PLCH1: variants seen among roughly 807,000 people sequenced by gnomAD.
PLCH1 encodes the protein 1-phosphatidylinositol 4,5-bisphosphate phosphodiesterase eta-1.
Under a neutral mutation model 126.7 loss-of-function variants are expected in PLCH1, and 60 were observed. The ratio of observed to expected loss-of-function variants is 0.47; its 90% CI spans 0.38 to 0.59. The LOEUF is 0.59. PLCH1 is among the 20% of genes least tolerant of loss of function. PLCH1 has a pLI of 0.00. For missense variants in PLCH1, 1,723 were observed against 2,040.0 expected, an observed-to-expected ratio of 0.84 and a Z score of 2.99; for synonymous variants, 719 against 734.9, an observed-to-expected ratio of 0.98 and a Z score of 0.35.
At chr3:155,504,265 C>T (rs1032852244) in intron 13 of PLCH1, among the ~76,000 whole-genome samples, 1 of 152,048 alleles carries the variant, frequency 6.6e-6, no homozygotes, top group Non-Finnish European at 1.5e-5. Context: ...ATAACACATA[C>T]CCATTATGTA....
intron 2 of PLCH1, among the ~76,000 whole-genome samples, chr3:155,634,938 G>T (rs765373737): frequency 6.6e-6 from 1 of 152,130 alleles, no homozygotes; most frequent in East Asian, 1.9e-4. Flanking sequence ...GTAAAAGCGT[G>T]AACTATGAAG....
chr3:155,472,804 A>G (rs1257093730), intron 21 of PLCH1, among the ~76,000 whole-genome samples: 1 of 150,472 alleles, frequency 6.6e-6, no homozygotes. Context: ...AATCCAGCAT[A>G]TAAACAGAGC....
At chr3:155,698,969 C>T (rs1746044812) in intron 2 of PLCH1, among the ~76,000 whole-genome samples, 1 of 147,638 alleles carries the variant, frequency 6.8e-6, no homozygotes, top group African/African-American at 2.6e-5. Context: ...TATATTTTCT[C>T]CCTTAAGGCC....
At chr3:155,686,923 G>T (rs1050299375) in intron 2 of PLCH1, among the ~76,000 whole-genome samples, 1 of 152,148 alleles carries the variant, frequency 6.6e-6, no homozygotes, top group Non-Finnish European at 1.5e-5. Context: ...CGCAGTAAAT[G>T]TATACTCTCC....
At chr3:155,513,446 T>A (rs1719879358) in intron 12 of PLCH1, among the ~76,000 whole-genome samples, 1 of 152,134 alleles carries the variant, frequency 6.6e-6, no homozygotes, top group African/African-American at 2.4e-5. Flanking sequence ...GCATTTCCAA[T>A]GAGAATAATC....
intron 10 of PLCH1, among the ~76,000 whole-genome samples, chr3:155,545,251 T>C (rs1225964040): frequency 6.7e-6 from 1 of 150,090 alleles, no homozygotes; most frequent in East Asian, 2.0e-4. Context: ...CAGAGAATAC[T>C]ACAAACACCT....
intron 8 of PLCH1, among the ~76,000 whole-genome samples, chr3:155,562,054 T>A (rs529270000): frequency 2.6e-3 from 400 of 152,350 alleles, no homozygotes; most frequent in Non-Finnish European, 5.1e-3. Flanking sequence ...GTGCTGGGAT[T>A]ACAGGCATGA....
chr3:155,534,957 T>G (rs1434289637), intron 10 of PLCH1, among the ~76,000 whole-genome samples: 1 of 152,214 alleles, frequency 6.6e-6, no homozygotes, highest in Non-Finnish European at 1.5e-5. Context: ...GTGAGTCAAT[T>G]AAACCTCTTT....
intron 2 of PLCH1, among the ~76,000 whole-genome samples, chr3:155,654,944 G>A (rs758353508): frequency 5.9e-5 from 9 of 152,002 alleles, no homozygotes; most frequent in South Asian, 2.1e-4. Flanking sequence ...TTGTATCATC[G>A]ACTTTGCTTC....
rs866485974 is a variant in PLCH1, at chr3:155,547,330, C to T, written c.1362+2457G>A. Among the ~76,000 whole-genome samples the T allele has an allele frequency of 3.5e-3, 534 of 151,856 alleles. 2 individuals carry two copies. Among genetic ancestry groups the T allele is most frequent in the African/African-American group, 0.012 (498 of 41,368 alleles). ...GCCATCAGAGAAATGCAAATCAAAA[C>T]CACAGTGAGATACCATCTCACACCA... On this transcript the variant is annotated intron_variant, in intron 10 of 22. Coordinates refer to ENST00000460012, the MANE Select transcript of PLCH1 (RefSeq NM_014996.4).
chr3:155,458,676 A>G (rs1712593870), intron 21 of PLCH1, among the ~76,000 whole-genome samples: 3 of 152,226 alleles, frequency 2.0e-5, no homozygotes, highest in Admixed American at 1.3e-4. Context: ...AGTCCCATGG[A>G]GGCAGATTTC....
At chr3:155,661,768 A>C (rs1222966073) in intron 2 of PLCH1, among the ~76,000 whole-genome samples, 1 of 152,236 alleles carries the variant, frequency 6.6e-6, no homozygotes, top group Non-Finnish European at 1.5e-5. Flanking sequence ...ACTGTGAGCA[A>C]AAATGAATAC....
downstream of PLCH1, among the ~76,000 whole-genome samples, chr3:155,477,341 A>AT (rs1713587004): frequency 6.6e-6 from 1 of 152,098 alleles, no homozygotes; most frequent in African/African-American, 2.4e-5. Flanking sequence ...TCTAGGCAAA[A>AT]TTTTTTTGAG....
chr3:155,712,564 A>T (rs554574181), intron 1 of PLCH1, among the ~76,000 whole-genome samples: 243 of 152,120 alleles, frequency 1.6e-3, no homozygotes, highest in African/African-American at 5.8e-3. Flanking sequence ...AGAAAAAAAA[A>T]GGTAAATCTT....
At chr3:155,612,918 A>AAAAAAG (rs1735312129) in intron 2 of PLCH1, among the ~76,000 whole-genome samples, 1 of 151,402 alleles carries the variant, frequency 6.6e-6, no homozygotes, top group African/African-American at 2.4e-5. Flanking sequence ...TAAAAAAAAA[A>AAAAAAG]AAAAAAAGAA....
At chr3:155,649,501 G>T (rs1257097068) in intron 2 of PLCH1, among the ~76,000 whole-genome samples, 3 of 152,132 alleles carry the variant, frequency 2.0e-5, no homozygotes, top group African/African-American at 7.2e-5. Flanking sequence ...CCTCAGAGCA[G>T]CCCTGCCATT....
intron 10 of PLCH1, among the ~76,000 whole-genome samples, chr3:155,528,010 C>T (rs1300072578): frequency 6.7e-6 from 1 of 150,080 alleles, no homozygotes; most frequent in South Asian, 2.1e-4. Flanking sequence ...GATCACCTGA[C>T]ATCAGGAGTT....
chr3:155,458,662 G>A (rs1014958383), intron 21 of PLCH1, among the ~76,000 whole-genome samples: 2 of 152,144 alleles, frequency 1.3e-5, no homozygotes, highest in African/African-American at 4.8e-5. Flanking sequence ...ACTTCAAATA[G>A]TTAAGTCCCA....
intron 10 of PLCH1, among the ~76,000 whole-genome samples, chr3:155,527,516 G>T (rs548489338): frequency 3.8e-4 from 58 of 152,184 alleles, no homozygotes; most frequent in Non-Finnish European, 6.9e-4. Context: ...TTCAAAGCTG[G>T]GTAAATCATT....
Sources: gnomAD v4.1 joint callset for allele counts (sites outside exome capture counted in the v4.1 genomes callset) on GRCh38, gnomAD v4.1.1 for gene constraint, MANE v1.5 for transcripts, NCBI Gene and HGNC (gene_info 2026-07-23, HGNC 2026-07-21) for gene names.